The following RAB3C variants were observed in gnomAD, a reference collection of about 807,000 sequenced individuals.
RAB3C encodes ras-related protein Rab-3C.
RAB3C carries 17 observed loss-of-function variants against 26.4 expected under a neutral mutation model. That is an observed-to-expected ratio of 0.64 (90% confidence interval 0.44 to 0.97). RAB3C has a LOEUF of 0.97. RAB3C is among the 50% of genes least tolerant of loss of function. The pLI is 0.00. For synonymous variants in RAB3C, 91 were observed against 95.9 expected (o/e 0.95, Z 0.30); for missense variants, 242 against 281.9 (o/e 0.86, Z 1.01).
intron 3 of RAB3C, among the ~76,000 whole-genome samples, chr5:58,731,168 G>C (rs771268253): frequency 6.6e-6 from 1 of 152,126 alleles, no homozygotes; most frequent in Non-Finnish European, 1.5e-5. Flanking sequence ...GATTCAGAGA[G>C]AGTAGCAAGC....
chr5:58,679,754 A>G (rs192774313), intron 2 of RAB3C, among the ~76,000 whole-genome samples: 35 of 152,352 alleles, frequency 2.3e-4, no homozygotes, highest in Non-Finnish European at 4.0e-4. Context: ...AAAAATCTGA[A>G]TCAGAATCAG....
chr5:58,676,930 T>C (rs1264818136), intron 2 of RAB3C, among the ~76,000 whole-genome samples: 1 of 152,196 alleles, frequency 6.6e-6, no homozygotes, highest in African/African-American at 2.4e-5. Flanking sequence ...ACTGGGGTTA[T>C]TGTTAAAAAG....
At chr5:58,781,156 G>A (rs913544292) in intron 3 of RAB3C, among the ~76,000 whole-genome samples, 3 of 151,900 alleles carry the variant, frequency 2.0e-5, no homozygotes, top group African/African-American at 7.2e-5. Context: ...TAAAAAAAAA[G>A]TTAAGACCTC....
At chr5:58,601,765 A>G (rs1228335416) in intron 1 of RAB3C, among the ~76,000 whole-genome samples, 1 of 152,000 alleles carries the variant, frequency 6.6e-6, no homozygotes, top group Non-Finnish European at 1.5e-5. Flanking sequence ...CTAATGGTCT[A>G]TCAATTTTAT....
At chr5:58,726,358 T>C (rs77326922) in intron 3 of RAB3C, among the ~76,000 whole-genome samples, 2,185 of 152,126 alleles carry the variant, frequency 0.014, 53 homozygotes, top group African/African-American at 0.048. Flanking sequence ...GCTTTGCATT[T>C]TGTCATCATC....
intron 2 of RAB3C, among the ~76,000 whole-genome samples, chr5:58,649,949 G>C (rs1420003909): frequency 6.6e-6 from 1 of 152,164 alleles, no homozygotes; most frequent in Admixed American, 6.5e-5. Context: ...AGGCACTACA[G>C]CAGCATCAAA....
intron 1 of RAB3C, among the ~76,000 whole-genome samples, chr5:58,614,274 T>C (rs1432432029): frequency 6.6e-6 from 1 of 152,142 alleles, no homozygotes; most frequent in African/African-American, 2.4e-5. Context: ...ACATAGTGCC[T>C]GTCTGTAAAC....
rs535101706 is a variant in RAB3C, at chr5:58,841,628, C to T, written c.497-9536C>T. Among the ~76,000 whole-genome samples, 9 of 152,224 alleles carry T rather than the reference C, an allele frequency of 5.9e-5. No individual in the cohort carries two copies. The East Asian group carries it at 1.7e-3, about 29-fold the overall frequency. ...ATTCCTAGCGGCTCTCCAAAATGGG[C>T]TTAGGGTTTGCAAGAGCTTTGGGAT... On this transcript the variant is annotated intron_variant, in intron 4 of 4. Coordinates refer to ENST00000282878, the MANE Select transcript of RAB3C (RefSeq NM_138453.4).
At chr5:58,685,565 A>T (rs1426670688) in intron 2 of RAB3C, among the ~76,000 whole-genome samples, 1 of 152,198 alleles carries the variant, frequency 6.6e-6, no homozygotes, top group Non-Finnish European at 1.5e-5. Context: ...GGTTCCAGGA[A>T]ATAGGATGTA....
At chr5:58,782,184 T>C (rs1164200994) in intron 3 of RAB3C, among the ~76,000 whole-genome samples, 1 of 152,082 alleles carries the variant, frequency 6.6e-6, no homozygotes, top group Non-Finnish European at 1.5e-5. Context: ...GCGGAATACA[T>C]TGGCACTTGT....
intron 2 of RAB3C, among the ~76,000 whole-genome samples, chr5:58,679,194 G>A (rs1748296554): frequency 6.6e-6 from 1 of 152,276 alleles, no homozygotes; most frequent in East Asian, 1.9e-4. Flanking sequence ...AGCAGGGTGG[G>A]GGTATCAGGA....
At chr5:58,738,562 A>C (rs1007388477) in intron 3 of RAB3C, among the ~76,000 whole-genome samples, 6 of 152,194 alleles carry the variant, frequency 3.9e-5, no homozygotes, top group African/African-American at 1.4e-4. Flanking sequence ...GGTCAACTCA[A>C]CTGTACTTTG....
intron 2 of RAB3C, among the ~76,000 whole-genome samples, chr5:58,628,275 G>T (rs1313348813): frequency 1.3e-5 from 2 of 151,806 alleles, no homozygotes; most frequent in African/African-American, 2.4e-5. Context: ...TAAAGTATGA[G>T]ACAGGGTTTT....
intron 3 of RAB3C, among the ~76,000 whole-genome samples, chr5:58,740,877 T>G (rs1741260198): frequency 6.6e-6 from 1 of 152,014 alleles, no homozygotes. Flanking sequence ...CTACTCAAAG[T>G]TAACTAAACT....
intron 2 of RAB3C, among the ~76,000 whole-genome samples, chr5:58,670,651 CA>C (rs1748096842): frequency 6.6e-6 from 1 of 152,164 alleles, no homozygotes; most frequent in Admixed American, 6.5e-5. Flanking sequence ...AAAATCCAGA[CA>C]GTATAGAACT....
At chr5:58,668,283 T>C (rs1748041439) in intron 2 of RAB3C, among the ~76,000 whole-genome samples, 2 of 152,070 alleles carry the variant, frequency 1.3e-5, no homozygotes, top group African/African-American at 4.8e-5. Context: ...CAGAGATAAA[T>C]AAAGGAATAA....
intron 3 of RAB3C, among the ~76,000 whole-genome samples, chr5:58,733,902 A>T (rs1741081473): frequency 6.6e-6 from 1 of 152,330 alleles, no homozygotes; most frequent in East Asian, 1.9e-4. Flanking sequence ...TTCTGTTCTA[A>T]GTATGGCATG....
chr5:58,632,101 G>T lies in RAB3C; in HGVS notation c.252+14231G>T, dbSNP rs16888328. Reference sequence around the variant, plus strand: ...GACACATGAAAGTGATTCTACAGTTGGGAGGCACTCAAGTTTGCAGATGGC... The same window carrying T: ...GACACATGAAAGTGATTCTACAGTTTGGAGGCACTCAAGTTTGCAGATGGC... On this transcript the variant is annotated intron_variant, in intron 2 of 4. Coordinates refer to ENST00000282878, the MANE Select transcript of RAB3C (RefSeq NM_138453.4). 5.9e-3 allele frequency among the ~76,000 whole-genome samples: 901 copies of T among 152,302 alleles called. 17 individuals are homozygous for T. Among genetic ancestry groups the T allele is most frequent in the African/African-American group, 0.02 (839 of 41,560 alleles).
intron 1 of RAB3C, 193 bp from the exon 2 acceptor site, chr5:58,617,450 C>T (rs1579819413): frequency 1.3e-6 from 1 of 762,580 alleles, no homozygotes; most frequent in East Asian, 2.4e-5. Flanking sequence ...ATTTGCTATT[C>T]TGTCTTCCAG....
Sources: allele counts gnomAD v4.1 joint callset (sites outside exome capture counted in the v4.1 genomes callset), GRCh38; gene constraint gnomAD v4.1.1; transcripts MANE v1.5; gene names NCBI Gene and HGNC (gene_info 2026-07-23, HGNC 2026-07-21).